Variants in EPB41L2 observed in about 807,000 individuals in gnomAD.
EPB41L2 encodes the protein erythrocyte membrane protein band 4.1 like 2, also known as band 4.1-like protein 2.
Under a neutral mutation model 113.0 loss-of-function variants are expected in EPB41L2, and 43 were observed. The ratio of observed to expected loss-of-function variants is 0.38; its 90% CI spans 0.30 to 0.49. The LOEUF is 0.49. Ranked by LOEUF, EPB41L2 falls within the 20% of genes least tolerant of loss-of-function variation. EPB41L2 has a pLI of 0.95. For synonymous variants in EPB41L2, 442 were observed against 436.7 expected (o/e 1.01, Z -0.15); for missense variants, 1,147 against 1,223.4 (o/e 0.94, Z 0.93).
intron 1 of EPB41L2, among the ~76,000 whole-genome samples, chr6:130,999,239 G>A (rs944857089): frequency 5.9e-5 from 9 of 151,968 alleles, no homozygotes; most frequent in Admixed American, 2.6e-4. Flanking sequence ...GGCCCAATGC[G>A]CCCATCTTAT....
At chr6:131,060,280 T>C (rs1443140117) in intron 1 of EPB41L2, among the ~76,000 whole-genome samples, 2 of 152,242 alleles carry the variant, frequency 1.3e-5, no homozygotes, top group African/African-American at 4.8e-5. Context: ...ATGGCAAAGA[T>C]ACAACCTTTG....
chr6:130,851,799 C>T (rs1284242341), intron 19 of EPB41L2, among the ~76,000 whole-genome samples: 2 of 152,220 alleles, frequency 1.3e-5, no homozygotes, highest in Non-Finnish European at 2.9e-5. Context: ...TTGAAGTTAT[C>T]TTGCCTTGCA....
intron 6 of EPB41L2, among the ~76,000 whole-genome samples, chr6:130,902,966 T>C (rs760582550): frequency 6.6e-6 from 1 of 152,160 alleles, no homozygotes; most frequent in Admixed American, 6.5e-5. Flanking sequence ...ATTTCGATCA[T>C]GACATTTAAG....
At chr6:130,888,606 G>A (rs1321137234) in intron 11 of EPB41L2, among the ~76,000 whole-genome samples, 3 of 152,152 alleles carry the variant, frequency 2.0e-5, no homozygotes, top group Admixed American at 6.5e-5. Flanking sequence ...GTTCCAGAAA[G>A]AGCAATCATT....
At chr6:130,988,358 G>A (rs572953443) in intron 1 of EPB41L2, among the ~76,000 whole-genome samples, 34 of 152,142 alleles carry the variant, frequency 2.2e-4, no homozygotes, top group Non-Finnish European at 4.9e-4. Context: ...TCTTAGAAAA[G>A]ATTACAGAAA....
chr6:130,973,044 G>A (rs1277447838), intron 1 of EPB41L2, among the ~76,000 whole-genome samples: 2 of 151,850 alleles, frequency 1.3e-5, no homozygotes, highest in Admixed American at 1.3e-4. Flanking sequence ...CCCGGGAGGC[G>A]GAGGTTGCAG....
At chr6:130,882,091 C>G (rs1450713258) in intron 12 of EPB41L2, 2 of 152,272 alleles carry the variant, frequency 1.3e-5, no homozygotes, top group East Asian at 3.9e-4. Flanking sequence ...ACAGTTATGT[C>G]CACTGCATCC....
intron 3 of EPB41L2, among the ~76,000 whole-genome samples, chr6:130,937,842 C>T (rs1302153244): frequency 7.6e-6 from 1 of 131,070 alleles, no homozygotes; most frequent in Non-Finnish European, 1.5e-5. Context: ...AAAAGATTAA[C>T]ACAGCCTGCT....
rs9492765 is a variant in EPB41L2 at position 130,946,429 on chromosome 6, T to G, written c.705+8676A>C. Among the ~76,000 whole-genome samples the G allele has an allele frequency of 8.1e-3, 1,231 of 152,310 alleles. 12 individuals are homozygous for G. The highest frequency in any genetic ancestry group is 0.026 in the African/African-American group (1,086 of 41,566). On this transcript the variant is annotated intron_variant, in intron 3 of 19. Transcript: ENST00000337057. ...AAATTCTGTGTGGCATAAAAATTTT[T>G]TATCCACTTAATATTAGCAAATGCC...
chr6:130,967,534 T>C (rs1775603711), intron 1 of EPB41L2, among the ~76,000 whole-genome samples: 1 of 152,162 alleles, frequency 6.6e-6, no homozygotes, highest in Non-Finnish European at 1.5e-5. Flanking sequence ...GAAATAGAGT[T>C]CTCTGAAAGT....
At chr6:131,037,887 C>G (rs887442459) in intron 1 of EPB41L2, among the ~76,000 whole-genome samples, 1 of 151,986 alleles carries the variant, frequency 6.6e-6, no homozygotes, top group African/African-American at 2.4e-5. Context: ...TCGCACCCAG[C>G]CCTAAAAACC....
At chr6:131,053,434 T>TAAAAAGA (rs1796986339) in intron 1 of EPB41L2, among the ~76,000 whole-genome samples, 1 of 88,906 alleles carries the variant, frequency 1.1e-5, no homozygotes, top group Non-Finnish European at 2.2e-5. Context: ...ATGGAAATGA[T>TAAAAAGA]AAAAAAAAAA....
At position 130,920,023 on chromosome 6, in the gene EPB41L2, A is replaced by G. The variant is rs552518281; in HGVS notation, c.810+6582T>C. Among the ~76,000 whole-genome samples, 5 of 152,112 alleles carry G rather than the reference A, an allele frequency of 3.3e-5. No homozygotes were observed. The East Asian group carries it at 9.7e-4, about 29-fold the overall frequency. On this transcript the variant is annotated intron_variant, in intron 4 of 19. Transcript: ENST00000337057. ...CCACCTTTTATTCTGTTTCTTGCAG[A>G]CTCAGGATGACATAACATCTTTATT...
intron 3 of EPB41L2, among the ~76,000 whole-genome samples, chr6:130,949,968 T>A (rs1178541407): frequency 6.6e-6 from 1 of 152,202 alleles, no homozygotes; most frequent in Admixed American, 6.5e-5. Flanking sequence ...CAAAATTGTG[T>A]TGACTGTTTA....
chr6:131,051,242 C>T (rs986104920), intron 1 of EPB41L2, among the ~76,000 whole-genome samples: 1 of 152,012 alleles, frequency 6.6e-6, no homozygotes, highest in Non-Finnish European at 1.5e-5. Context: ...AACCCAGCAG[C>T]TGGCATGGGG....
Position 130,900,884 on chromosome 6 carries a change from CA to C in EPB41L2, c.1148+77del, listed in dbSNP as rs2128496299. On this transcript the variant is annotated intron_variant, in intron 7 of 19. Transcript: ENST00000337057. The stretch of plus-strand genomic sequence containing the variant: ...ATTGGATAATCCTGTAAATCATGCT[CA>C]AATGTCTAGTAAGTGCTACAAGAGA... 5 of 1,513,504 alleles carry C rather than the reference CA, an allele frequency of 3.3e-6. No homozygotes were observed. The African/African-American group carries it at 6.9e-5, about 21-fold the overall frequency. 93.8% of individuals were successfully genotyped at this position (1,513,504 alleles called of 1,614,324 possible).
chr6:130,856,685 CCTAT>C (rs1780322484), intron 19 of EPB41L2, among the ~76,000 whole-genome samples: 1 of 152,198 alleles, frequency 6.6e-6, no homozygotes, highest in Non-Finnish European at 1.5e-5. Flanking sequence ...CTGTGGGTTA[CCTAT>C]CTATTGACTG....
intron 3 of EPB41L2, among the ~76,000 whole-genome samples, chr6:130,928,239 T>G (rs925715227): frequency 6.6e-6 from 1 of 152,222 alleles, no homozygotes; most frequent in African/African-American, 2.4e-5. Context: ...ATATTAAAAG[T>G]ATATACAAAT....
At chr6:130,975,059 G>C (rs1189674219) in intron 1 of EPB41L2, among the ~76,000 whole-genome samples, 2 of 151,998 alleles carry the variant, frequency 1.3e-5, no homozygotes, top group Admixed American at 6.6e-5. Flanking sequence ...TTACTTGATG[G>C]GTTATTAGCA....
Sources: gnomAD v4.1 joint callset for allele counts (sites outside exome capture counted in the v4.1 genomes callset) on GRCh38, gnomAD v4.1.1 for gene constraint, MANE v1.5 for transcripts, NCBI Gene and HGNC (gene_info 2026-07-23, HGNC 2026-07-21) for gene names.